EPHA6: variants seen among roughly 807,000 people sequenced by gnomAD.
The protein encoded by EPHA6 is EPH receptor A6.
Under a neutral mutation model 112.0 loss-of-function variants are expected in EPHA6, and 50 were observed. The observed-to-expected ratio is 0.45, with a 90% CI of 0.36 to 0.56. The LOEUF is 0.56. Among genes scored for constraint, EPHA6 ranks in the 20% least tolerant of loss-of-function variants. EPHA6 has a pLI of 0.00. For missense variants in EPHA6, 1,280 were observed against 1,417.4 expected, an observed-to-expected ratio of 0.90 and a Z score of 1.56; for synonymous variants, 529 against 490.7, an observed-to-expected ratio of 1.08 and a Z score of -1.03.
At position 97,464,297 on chromosome 3, in the gene EPHA6, G is replaced by A. The variant is rs184071509; in HGVS notation, c.1895-11055G>A. Among the ~76,000 whole-genome samples, 18 of 152,152 alleles carry A rather than the reference G, an allele frequency of 1.2e-4. No individual in the cohort carries two copies. In the East Asian group the frequency reaches 3.3e-3, roughly 28 times the overall value. On this transcript the variant is annotated intron_variant, in intron 7 of 17. Transcript: ENST00000389672. ...AGTCTTCCAAACTCCTGCCCTGTGG[G>A]TGGAGGGAGTTTTCAGAGACAGGGC...
intron 2 of EPHA6, among the ~76,000 whole-genome samples, chr3:96,938,790 C>T (rs569732454): frequency 2.6e-4 from 40 of 152,110 alleles, no homozygotes; most frequent in Non-Finnish European, 4.1e-4. Context: ...CCCATCAATA[C>T]CTAATTTATT....
intron 3 of EPHA6, among the ~76,000 whole-genome samples, chr3:97,085,355 T>C (rs2046860614): frequency 1.3e-5 from 2 of 152,150 alleles, no homozygotes; most frequent in Admixed American, 1.3e-4. Context: ...GGTTGAAGAA[T>C]TTTAACAAAA....
At chr3:96,815,454 T>G (rs1576033480) in intron 1 of EPHA6, among the ~76,000 whole-genome samples, 1 of 136,486 alleles carries the variant, frequency 7.3e-6, no homozygotes, top group Admixed American at 7.3e-5. Flanking sequence ...TATCAGTCTT[T>G]CCCCACCCCT....
At chr3:97,708,977 G>T (rs2033823574) in intron 14 of EPHA6, among the ~76,000 whole-genome samples, 2 of 152,206 alleles carry the variant, frequency 1.3e-5, no homozygotes, top group African/African-American at 4.8e-5. Context: ...CCAGGCAGAA[G>T]TCTGTTGCAG....
intron 1 of EPHA6, among the ~76,000 whole-genome samples, chr3:96,845,836 A>G (rs768479554): frequency 2.6e-5 from 4 of 151,938 alleles, no homozygotes; most frequent in African/African-American, 4.8e-5. Flanking sequence ...TCCGGGATAT[A>G]TTGTGAAATC....
chr3:97,356,002 G>C (rs2084055688), intron 5 of EPHA6, among the ~76,000 whole-genome samples: 1 of 152,170 alleles, frequency 6.6e-6, no homozygotes, highest in African/African-American at 2.4e-5. Context: ...AAATATACGT[G>C]TACCCAACAC....
chr3:97,305,414 A>G (rs60553598), intron 5 of EPHA6, among the ~76,000 whole-genome samples: 4,091 of 152,208 alleles, frequency 0.027, 192 homozygotes, highest in African/African-American at 0.092. Context: ...AGATACATGC[A>G]CATGTATGTT....
At chr3:97,466,430 T>A in intron 7 of EPHA6, 2 of 1,585,538 alleles carry the variant, frequency 1.3e-6, no homozygotes, top group Non-Finnish European at 1.7e-6. Flanking sequence ...ACTCTCCATT[T>A]CAAGTGACAA....
At chr3:97,321,529 G>C (rs1193799251) in intron 5 of EPHA6, among the ~76,000 whole-genome samples, 1 of 151,886 alleles carries the variant, frequency 6.6e-6, no homozygotes, top group African/African-American at 2.4e-5. Context: ...TTTCAAACTA[G>C]AGTCTTCCTA....
chr3:97,078,274 T>C (rs1404770562), intron 3 of EPHA6, among the ~76,000 whole-genome samples: 2 of 152,168 alleles, frequency 1.3e-5, no homozygotes, highest in Admixed American at 1.3e-4. Context: ...GTTTAAGTTC[T>C]TTGCAGATTC....
chr3:96,886,303 A>C (rs6438819), intron 2 of EPHA6, among the ~76,000 whole-genome samples: 1 of 152,062 alleles, frequency 6.6e-6, no homozygotes, highest in Non-Finnish European at 1.5e-5. Context: ...TTGTGTTGCT[A>C]TCTGTCTCAT....
chr3:96,935,034 A>G (rs925245687), intron 2 of EPHA6, among the ~76,000 whole-genome samples: 2 of 151,794 alleles, frequency 1.3e-5, no homozygotes, highest in Non-Finnish European at 3.0e-5. Flanking sequence ...TCTAATGTCT[A>G]CCCAACGCTT....
At chr3:96,937,893 G>C (rs1576097979) in intron 2 of EPHA6, among the ~76,000 whole-genome samples, 1 of 152,112 alleles carries the variant, frequency 6.6e-6, no homozygotes, top group Non-Finnish European at 1.5e-5. Flanking sequence ...ATTTTTGTCA[G>C]GTTTGTCAAA....
intron 3 of EPHA6, among the ~76,000 whole-genome samples, chr3:97,194,080 G>C (rs1256166822): frequency 6.6e-6 from 1 of 151,686 alleles, no homozygotes; most frequent in East Asian, 1.9e-4. Flanking sequence ...TTTCTTCTCT[G>C]ATCCTTATTA....
At chr3:97,045,478 A>AT (rs922646092) in intron 3 of EPHA6, among the ~76,000 whole-genome samples, 2 of 151,446 alleles carry the variant, frequency 1.3e-5, no homozygotes, top group Non-Finnish European at 3.0e-5. Flanking sequence ...TACTCATTTC[A>AT]TTTTTTTTCT....
chr3:97,393,859 T>C (rs1356677079), intron 5 of EPHA6, among the ~76,000 whole-genome samples: 2 of 151,770 alleles, frequency 1.3e-5, no homozygotes, highest in Non-Finnish European at 2.9e-5. Context: ...TTATATCACT[T>C]AACATAATAT....
intron 3 of EPHA6, among the ~76,000 whole-genome samples, chr3:97,000,939 G>T (rs2043632169): frequency 6.8e-6 from 1 of 147,410 alleles, no homozygotes; most frequent in Non-Finnish European, 1.5e-5. Context: ...GTTCTCTGAG[G>T]ATATTTTGAT....
rs537625394 is a variant in EPHA6, at chr3:96,819,000, A to G, written c.385+3992A>G. ...ATTGATTAGCATCCAAAGTACAAAG[A>G]TAAAATGTTTTTATGCAGTTCCAGC... On this transcript the variant is annotated intron_variant, in intron 1 of 17. Transcript: ENST00000389672. 6.0e-4 allele frequency among the ~76,000 whole-genome samples: 91 copies of G among 152,090 alleles called. 1 individual carries two copies. The highest frequency in any genetic ancestry group is 3.4e-3 in the Middle Eastern group (1 of 294).
At chr3:96,894,810 C>T (rs550616328) in intron 2 of EPHA6, among the ~76,000 whole-genome samples, 2 of 152,006 alleles carry the variant, frequency 1.3e-5, no homozygotes, top group South Asian at 4.2e-4. Context: ...CATAGATGAA[C>T]AAGAAACAAA....
Sources: gnomAD v4.1 joint callset for allele counts (sites outside exome capture counted in the v4.1 genomes callset) on GRCh38, gnomAD v4.1.1 for gene constraint, MANE v1.5 for transcripts, NCBI Gene and HGNC (gene_info 2026-07-23, HGNC 2026-07-21) for gene names.